Variants in WDPCP observed in about 807,000 individuals in gnomAD.
WDPCP encodes the protein WD repeat-containing and planar cell polarity effector protein fritz homolog.
Under a neutral mutation model 93.1 loss-of-function variants are expected in WDPCP, and 71 were observed. The ratio of observed to expected loss-of-function variants is 0.76; its 90% CI spans 0.63 to 0.93. The LOEUF (loss-of-function observed/expected upper bound fraction) is 0.93. Ranked by LOEUF, WDPCP falls within the 40% of genes least tolerant of loss-of-function variation. The probability of loss-of-function intolerance (pLI) is 0.00; values close to 1 mark genes in which losing one functional copy is unlikely to be tolerated. For missense variants in WDPCP, 844 were observed against 887.4 expected (o/e 0.95, Z 0.62); for synonymous variants, 315 against 315.0 (o/e 1.00, Z 0.00).
intron 9 of WDPCP, among the ~76,000 whole-genome samples, chr2:63,420,466 G>A (rs899535827): frequency 1.3e-5 from 2 of 151,126 alleles, no homozygotes; most frequent in Admixed American, 6.6e-5. Context: ...CCCGGGAGGT[G>A]GAGGTTGTGG....
chr2:63,289,921 A>AT (rs1575069067), intron 13 of WDPCP, among the ~76,000 whole-genome samples: 1 of 151,518 alleles, frequency 6.6e-6, no homozygotes, highest in Non-Finnish European at 1.5e-5. Flanking sequence ...CAGGATATAT[A>AT]TTTTTCACAT....
At chr2:63,812,277 G>T (rs1365131847) in intron 2 of WDPCP, among the ~76,000 whole-genome samples, 2 of 152,156 alleles carry the variant, frequency 1.3e-5, no homozygotes, top group East Asian at 1.9e-4. Flanking sequence ...CCGTTCTATT[G>T]TGTATATATA....
At chr2:63,672,359 A>G (rs148102508) in intron 2 of WDPCP, among the ~76,000 whole-genome samples, 144 of 152,384 alleles carry the variant, frequency 9.4e-4, no homozygotes, top group African/African-American at 3.1e-3. Flanking sequence ...GAGAAGCATT[A>G]CTTTAATGAG....
At chr2:63,369,161 T>C (rs1217197228) in intron 12 of WDPCP, 1 of 255,940 alleles carries the variant, frequency 3.9e-6, no homozygotes, top group Non-Finnish European at 7.9e-6. Context: ...TTAATACAAC[T>C]GTAGCTTTGT....
chr2:63,305,023 C>T (rs900662369), intron 13 of WDPCP, among the ~76,000 whole-genome samples: 8 of 152,110 alleles, frequency 5.3e-5, no homozygotes, highest in East Asian at 3.9e-4. Flanking sequence ...AGCAAAGCCG[C>T]GGTAGCCAGA....
intron 13 of WDPCP, among the ~76,000 whole-genome samples, chr2:63,266,905 C>G (rs558982129): frequency 6.6e-6 from 1 of 152,036 alleles, no homozygotes; most frequent in Non-Finnish European, 1.5e-5. Context: ...GTTCATACTA[C>G]CCAAAGTAAT....
chr2:63,158,999 A>AG (rs1672466323), intron 15 of WDPCP, among the ~76,000 whole-genome samples: 1 of 133,856 alleles, frequency 7.5e-6, no homozygotes, highest in African/African-American at 2.8e-5. Context: ...AAAAAAAAAA[A>AG]GCAAAAATTA....
At chr2:63,157,605 C>A (rs1672348614) in intron 15 of WDPCP, among the ~76,000 whole-genome samples, 2 of 152,058 alleles carry the variant, frequency 1.3e-5, no homozygotes, top group South Asian at 4.2e-4. Flanking sequence ...TCATTTTCTG[C>A]CAGTTTGGTA....
At chr2:63,414,094 G>A (rs1455302331) in intron 9 of WDPCP, among the ~76,000 whole-genome samples, 1 of 151,964 alleles carries the variant, frequency 6.6e-6, no homozygotes, top group Non-Finnish European at 1.5e-5. Flanking sequence ...CATCACTAAT[G>A]ATCAGGGAAA....
chr2:63,641,330 T>C (rs1054691702), intron 3 of WDPCP, among the ~76,000 whole-genome samples: 2 of 152,088 alleles, frequency 1.3e-5, no homozygotes, highest in African/African-American at 4.8e-5. Flanking sequence ...TTTGAGTATA[T>C]ACCCAGCTCT....
intron 12 of WDPCP, among the ~76,000 whole-genome samples, chr2:63,339,498 G>A (rs1052064058): frequency 4.8e-4 from 73 of 152,096 alleles, no homozygotes; most frequent in African/African-American, 1.8e-3. Flanking sequence ...ATTGTTTGCT[G>A]TTGGTATATA....
rs573322037 is a variant in WDPCP, at chr2:63,144,350, A to T, written c.2190+8564T>A. 4.6e-5 allele frequency among the ~76,000 whole-genome samples: 7 copies of T among 152,142 alleles called. No homozygotes were observed. The South Asian group carries it at 1.5e-3, about 32-fold the overall frequency. Reference sequence around the variant, plus strand: ...GGCTGGAGTGCAGTGGCACGGCTCAATGGCTCAATGCAACCTCCACCTCCT... The same window carrying T: ...GGCTGGAGTGCAGTGGCACGGCTCATTGGCTCAATGCAACCTCCACCTCCT... On this transcript the variant is annotated intron_variant, in intron 17 of 17. Coordinates refer to ENST00000272321, the MANE Select transcript of WDPCP (RefSeq NM_015910.7).
chr2:63,421,678 C>T (rs1391413078), intron 9 of WDPCP, among the ~76,000 whole-genome samples: 1 of 152,058 alleles, frequency 6.6e-6, no homozygotes, highest in African/African-American at 2.4e-5. Context: ...ACGAGGAGTA[C>T]TACAGATTTT....
chr2:63,496,330 G>A (rs988091772), intron 1 of WDPCP, among the ~76,000 whole-genome samples: 1 of 152,180 alleles, frequency 6.6e-6, no homozygotes, highest in African/African-American at 2.4e-5. Context: ...TAACAGAACT[G>A]GAGAGTGTAG....
At chr2:63,354,660 GTA>G (rs1231637321) in intron 12 of WDPCP, among the ~76,000 whole-genome samples, 4 of 151,812 alleles carry the variant, frequency 2.6e-5, no homozygotes, top group African/African-American at 4.8e-5. Context: ...ATATGTGTGT[GTA>G]TATATATGTG....
At chr2:63,178,555 CCT>C (rs1440688964) in intron 14 of WDPCP, among the ~76,000 whole-genome samples, 4 of 151,822 alleles carry the variant, frequency 2.6e-5, no homozygotes, top group South Asian at 2.1e-4. Flanking sequence ...TGTAATATCC[CCT>C]CTTTCACTTT....
intron 17 of WDPCP, among the ~76,000 whole-genome samples, chr2:63,142,371 C>T (rs1010692314): frequency 2.6e-5 from 4 of 152,102 alleles, no homozygotes; most frequent in Non-Finnish European, 5.9e-5. Context: ...TTTTTAATTT[C>T]CATCTTGATT....
At chr2:63,799,263 T>C (rs1197614701) in intron 2 of WDPCP, among the ~76,000 whole-genome samples, 1 of 152,146 alleles carries the variant, frequency 6.6e-6, no homozygotes, top group East Asian at 1.9e-4. Flanking sequence ...TTGTTAGTTG[T>C]TGAATTCAGG....
At chr2:63,350,435 A>T (rs184371502) in intron 12 of WDPCP, among the ~76,000 whole-genome samples, 1 of 151,420 alleles carries the variant, frequency 6.6e-6, no homozygotes, top group East Asian at 1.9e-4. Flanking sequence ...AACTTAGAGT[A>T]TAAAAAAAGA....
Sources: gnomAD v4.1 joint callset for allele counts (sites outside exome capture counted in the v4.1 genomes callset) on GRCh38, gnomAD v4.1.1 for gene constraint, MANE v1.5 for transcripts, NCBI Gene and HGNC (gene_info 2026-07-23, HGNC 2026-07-21) for gene names.